The following FGF12 variants were observed in gnomAD, a reference collection of about 807,000 sequenced individuals.
FGF12 encodes the protein fibroblast growth factor 12.
In FGF12, 14 loss-of-function variants were observed where a neutral mutation model predicts 23.6. The ratio of observed to expected loss-of-function variants is 0.59; its 90% CI spans 0.39 to 0.93. The LOEUF is 0.93. FGF12 is among the 40% of genes least tolerant of loss of function. FGF12 has a pLI of 0.00. For missense variants in FGF12, 175 were observed against 217.8 expected (o/e 0.80, Z 1.24); for synonymous variants, 62 against 77.3 (o/e 0.80, Z 1.04).
At chr3:192,569,682 G>T (rs1275970397) in intron 2 of FGF12, among the ~76,000 whole-genome samples, 2 of 152,186 alleles carry the variant, frequency 1.3e-5, no homozygotes, top group Non-Finnish European at 2.9e-5. Context: ...GAGATATAGA[G>T]AAGTTAGTCA....
chr3:192,566,187 C>T (rs1260684278), intron 2 of FGF12, among the ~76,000 whole-genome samples: 1 of 152,158 alleles, frequency 6.6e-6, no homozygotes, highest in Non-Finnish European at 1.5e-5. Context: ...AAGTAACTTG[C>T]CTCCGGTTAC....
At chr3:192,260,600 C>T (rs1712687435) in intron 4 of FGF12, among the ~76,000 whole-genome samples, 1 of 152,114 alleles carries the variant, frequency 6.6e-6, no homozygotes, top group African/African-American at 2.4e-5. Context: ...ACTCTTGGAC[C>T]TCTCAGTTAG....
At chr3:192,644,081 G>T (rs1205140395) in intron 2 of FGF12, among the ~76,000 whole-genome samples, 1 of 152,114 alleles carries the variant, frequency 6.6e-6, no homozygotes, top group Non-Finnish European at 1.5e-5. Flanking sequence ...TTAAGACTCG[G>T]GTCTTCTGGC....
At chr3:192,418,901 G>C (rs1016466986) in intron 2 of FGF12, among the ~76,000 whole-genome samples, 1 of 152,154 alleles carries the variant, frequency 6.6e-6, no homozygotes, top group Admixed American at 6.6e-5. Flanking sequence ...GTTCTTTATA[G>C]CAAGGCAAGA....
intron 3 of FGF12, among the ~76,000 whole-genome samples, chr3:192,354,459 C>A (rs1215338669): frequency 7.0e-6 from 1 of 143,322 alleles, no homozygotes; most frequent in Admixed American, 6.9e-5. Flanking sequence ...TAAAGCATGG[C>A]AAAAAAAAAT....
chr3:192,709,125 G>T (rs1016060156), intron 2 of FGF12, among the ~76,000 whole-genome samples: 6 of 152,142 alleles, frequency 3.9e-5, no homozygotes, highest in South Asian at 2.1e-4. Context: ...ACACAGAAAT[G>T]TCTCAAAAAT....
intron 4 of FGF12, among the ~76,000 whole-genome samples, chr3:192,306,571 A>G (rs1715661982): frequency 6.6e-6 from 1 of 152,134 alleles, no homozygotes; most frequent in Admixed American, 6.5e-5. Flanking sequence ...TGGACAACCT[A>G]AAGAGAGTTT....
chr3:192,184,167 T>C (rs1295649348), intron 4 of FGF12, among the ~76,000 whole-genome samples: 1 of 152,124 alleles, frequency 6.6e-6, no homozygotes, highest in African/African-American at 2.4e-5. Flanking sequence ...CGGGTTACAG[T>C]AAGCCAAGAT....
At chr3:192,646,869 A>G (rs1716025168) in intron 2 of FGF12, among the ~76,000 whole-genome samples, 1 of 152,060 alleles carries the variant, frequency 6.6e-6, no homozygotes, top group Non-Finnish European at 1.5e-5. Context: ...CGGTATGTAA[A>G]TTATACATCA....
At chr3:192,332,647 T>C (rs1203657730) in intron 4 of FGF12, among the ~76,000 whole-genome samples, 1 of 152,120 alleles carries the variant, frequency 6.6e-6, no homozygotes, top group African/African-American at 2.4e-5. Context: ...AATTACTTCC[T>C]ATTAATTCCT....
At chr3:192,218,355 C>T (rs552853688) in intron 4 of FGF12, among the ~76,000 whole-genome samples, 1 of 152,128 alleles carries the variant, frequency 6.6e-6, no homozygotes, top group African/African-American at 2.4e-5. Context: ...AATCTCATGT[C>T]TAATTGTTAT....
At chr3:192,415,776 A>T (rs4687329) in intron 2 of FGF12, among the ~76,000 whole-genome samples, 5,004 of 143,432 alleles carry the variant, frequency 0.035, 106 homozygotes, top group Admixed American at 0.044. Flanking sequence ...ACACACACAC[A>T]CTCATGTTCA....
chr3:192,460,229 T>TTTCTTCCTTGCCTGAAC (rs947879053), intron 2 of FGF12, among the ~76,000 whole-genome samples: 1 of 152,136 alleles, frequency 6.6e-6, no homozygotes, highest in Non-Finnish European at 1.5e-5. Context: ...GCTCCAACCT[T>TTTCTTCCTTGCCTGAAC]TTCTTCCTTG....
At chr3:192,377,587 A>T (rs1719580233) in intron 2 of FGF12, among the ~76,000 whole-genome samples, 1 of 152,196 alleles carries the variant, frequency 6.6e-6, no homozygotes, top group Non-Finnish European at 1.5e-5. Context: ...TATGGGGGTA[A>T]CATTAAAACT....
intron 5 of FGF12, among the ~76,000 whole-genome samples, chr3:192,166,117 T>G (rs76069840): frequency 0.027 from 4,038 of 152,280 alleles, 169 homozygotes; most frequent in African/African-American, 0.092. Context: ...GTCCAGTGGA[T>G]TAATGCCTGA....
At chr3:192,474,272 G>A (rs1160681745) in intron 2 of FGF12, among the ~76,000 whole-genome samples, 1 of 152,152 alleles carries the variant, frequency 6.6e-6, no homozygotes, top group Non-Finnish European at 1.5e-5. Flanking sequence ...TTGGACATCT[G>A]TTGTTTTTGT....
intron 2 of FGF12, among the ~76,000 whole-genome samples, chr3:192,364,000 T>C (rs1718859100): frequency 6.6e-6 from 1 of 152,154 alleles, no homozygotes; most frequent in Non-Finnish European, 1.5e-5. Flanking sequence ...TGAATCACAG[T>C]GATGTGATGT....
chr3:192,463,428 A>T (rs1279218220), intron 2 of FGF12, among the ~76,000 whole-genome samples: 4 of 152,118 alleles, frequency 2.6e-5, no homozygotes, highest in African/African-American at 9.7e-5. Flanking sequence ...TCAAAAAAAA[A>T]GTTGTTGTTG....
rs557240739 is a variant in FGF12 at position 192,611,424 on chromosome 3, G to A, written c.13+115757C>T. ...TACTGTTTGCATTAGCATGTTTTAC[G>A]GGTGTGTTCATTCATTCAACAAATA... On this transcript the variant is annotated intron_variant, in intron 2 of 5. Coordinates refer to ENST00000445105, the MANE Select transcript of FGF12 (RefSeq NM_004113.6). 4.6e-5 allele frequency among the ~76,000 whole-genome samples: 7 copies of A among 151,996 alleles called. No homozygotes were observed. The East Asian group carries it at 5.8e-4, about 13-fold the overall frequency.
Sources: allele counts gnomAD v4.1 joint callset (sites outside exome capture counted in the v4.1 genomes callset), GRCh38; gene constraint gnomAD v4.1.1; transcripts MANE v1.5; gene names NCBI Gene and HGNC (gene_info 2026-07-23, HGNC 2026-07-21).